Variants in COG7 observed in about 807,000 individuals in gnomAD.
COG7 encodes the protein component of oligomeric golgi complex 7, also known as conserved oligomeric Golgi complex subunit 7.
A neutral mutation model predicts 91.5 loss-of-function variants in COG7; 49 were observed. The ratio of observed to expected loss-of-function variants is 0.54; its 90% CI spans 0.43 to 0.68. The LOEUF is 0.68. Ranked by LOEUF, COG7 falls within the 30% of genes least tolerant of loss-of-function variation. The pLI is 0.00. For synonymous variants in COG7, 365 were observed against 388.7 expected, an observed-to-expected ratio of 0.94 and a Z score of 0.72; for missense variants, 895 against 961.3, an observed-to-expected ratio of 0.93 and a Z score of 0.91.
At chr16:23,429,776 T>C (rs540328589) in intron 6 of COG7, among the ~76,000 whole-genome samples, 1 of 149,316 alleles carries the variant, frequency 6.7e-6, no homozygotes, top group East Asian at 2.0e-4. Context: ...AAAAAAAAAG[T>C]GTAAACAAAC....
intron 3 of COG7, among the ~76,000 whole-genome samples, chr16:23,443,527 C>A (rs1373166526): frequency 1.3e-5 from 2 of 151,758 alleles, no homozygotes; most frequent in East Asian, 3.9e-4. Context: ...ACCATCTCTA[C>A]TAAAAATACA....
At chr16:23,447,015 G>A (rs1964193423) in intron 1 of COG7, 1 of 152,132 alleles carries the variant, frequency 6.6e-6, no homozygotes, top group Non-Finnish European at 1.5e-5. Context: ...CTCCCAAAAT[G>A]CTGGGATTAC....
intron 1 of COG7, chr16:23,446,533 C>A (rs1033735735): frequency 1.3e-5 from 2 of 153,744 alleles, no homozygotes; most frequent in African/African-American, 4.9e-5. Flanking sequence ...CTCACTGCAA[C>A]CTCTGCCTCC....
chr16:23,433,972 C>A (rs1963974351), intron 5 of COG7, among the ~76,000 whole-genome samples: 1 of 152,162 alleles, frequency 6.6e-6, no homozygotes, highest in African/African-American at 2.4e-5. Flanking sequence ...GATGTTGGGG[C>A]AAGAGCGGGC....
intron 13 of COG7, among the ~76,000 whole-genome samples, chr16:23,401,441 G>A (rs913116694): frequency 1.3e-5 from 2 of 152,198 alleles, no homozygotes; most frequent in Non-Finnish European, 2.9e-5. Flanking sequence ...GAGGGAAAAG[G>A]ACGGGGGAAG....
chr16:23,441,483 G>A (rs1268699347), intron 4 of COG7, among the ~76,000 whole-genome samples: 2 of 152,162 alleles, frequency 1.3e-5, no homozygotes, highest in Non-Finnish European at 2.9e-5. Flanking sequence ...ACTGAGACAG[G>A]AGAATCGCTT....
chr16:23,423,559 C>T (rs1963795195), intron 7 of COG7, among the ~76,000 whole-genome samples: 1 of 152,208 alleles, frequency 6.6e-6, no homozygotes, highest in South Asian at 2.1e-4. Flanking sequence ...TTGGAAGCTT[C>T]CCCATCCACT....
intron 6 of COG7, among the ~76,000 whole-genome samples, chr16:23,428,918 C>T (rs1242263004): frequency 2.0e-5 from 3 of 152,052 alleles, no homozygotes; most frequent in Non-Finnish European, 4.4e-5. Context: ...CTCTCGAACT[C>T]CTGACCTCAG....
rs1410910829 is a variant in COG7, at chr16:23,410,378, C to T, written c.1410-18G>A. On this transcript the variant is annotated intron_variant, in intron 10 of 16. Transcript: ENST00000307149. ...CTATTATCCTAAACAAAACAAAAAG[C>T]ACTTCAAGTTCAAGTATCTGGAATG... 3.1e-6 allele frequency: 5 copies of T among 1,610,088 alleles called. No individual in the cohort carries two copies. The highest frequency in any genetic ancestry group is 4.2e-6 in the Non-Finnish European group (5 of 1,176,740).
chr16:23,452,817 G>GCGGCT lies in COG7; in HGVS notation c.169+4_169+8dup, dbSNP rs1472474319. ...GAGGGTCCCGCGGCCAGGGCCCCGA[G>GCGGCT]CGGCTCACCCTCCACGGCGTGGTTC... On this transcript the variant is annotated intron_variant, in intron 1 of 16. Coordinates refer to ENST00000307149, the MANE Select transcript of COG7 (RefSeq NM_153603.4). 7 of 1,609,438 alleles carry GCGGCT rather than the reference G, an allele frequency of 4.3e-6. No individual in the cohort carries two copies. The African/African-American group carries it at 9.4e-5, about 22-fold the overall frequency.
In COG7 at chr16:23,449,509, C is replaced by T. The variant is rs182727259; in HGVS notation, c.169+3317G>A. Among the ~76,000 whole-genome samples, 60 of 151,384 alleles carry T rather than the reference C, an allele frequency of 4.0e-4. No homozygotes were observed. In the South Asian group the frequency reaches 5.0e-3, roughly 13 times the overall value. On this transcript the variant is annotated intron_variant, in intron 1 of 16. Coordinates refer to ENST00000307149, the MANE Select transcript of COG7 (RefSeq NM_153603.4). Reference sequence around the variant, plus strand: ...CTGTAATCCCAGCACTTTGGGAGGCCGAGGCAGGCAGATCACCTGAGGTTG... The same window carrying T: ...CTGTAATCCCAGCACTTTGGGAGGCTGAGGCAGGCAGATCACCTGAGGTTG...
In COG7 at chr16:23,453,174, G is replaced by C; in HGVS notation, c.-180C>G. On this transcript the variant is annotated 5_prime_UTR_variant, in exon 1 of 17. Coordinates refer to ENST00000307149, the MANE Select transcript of COG7 (RefSeq NM_153603.4). Reference sequence around the variant, plus strand: ...CCCCGCTCAGCGCACTCAGTTTGCGGCTGGGAATGACCCTCGCCGCCCGCC... The same window carrying C: ...CCCCGCTCAGCGCACTCAGTTTGCGCCTGGGAATGACCCTCGCCGCCCGCC... 1 of 1,381,400 alleles carries C rather than the reference G, an allele frequency of 7.2e-7. No homozygotes were observed. Among genetic ancestry groups the C allele is most frequent in the East Asian group, 2.6e-5 (1 of 39,132 alleles). 85.6% of individuals were successfully genotyped at this position (1,381,400 alleles called of 1,614,324 possible).
intron 1 of COG7, 27 bp downstream of exon 1, chr16:23,452,799 C>T (rs371898451): frequency 3.0e-5 from 48 of 1,598,844 alleles, no homozygotes; most frequent in Admixed American, 1.0e-4. Context: ...GGGGAGGGTC[C>T]CGCGGCCAGG....
chr16:23,410,355 A>G lies in COG7; in HGVS notation c.1415T>C (p.Ile472Thr). 1.2e-6 allele frequency: 2 copies of G among 1,613,920 alleles called. No homozygotes were observed. Among genetic ancestry groups the G allele is most frequent in the Non-Finnish European group, 1.7e-6 (2 of 1,179,902 alleles). ...WTAFQNSIRI[I>T]ATCGELLRHC... ...CCGCAAAAGCTCTCCACAGGTGGCT[A>G]TTATCCTAAACAAAACAAAAAGCAC... is the stretch of plus-strand genomic sequence containing the variant. Residue 472 changes from isoleucine to threonine, a missense_variant, in exon 11 of 17, where the codon ATA (isoleucine) becomes ACA (threonine). Physicochemically the swap from Ile to Thr is moderately conservative, Grantham distance 89. Transcript: ENST00000307149.
At chr16:23,405,599 C>T (rs373676694) in intron 12 of COG7, among the ~76,000 whole-genome samples, 158 of 151,758 alleles carry the variant, frequency 1.0e-3, no homozygotes, top group African/African-American at 3.7e-3. Flanking sequence ...TCACTGTAAC[C>T]GGTGCCTCCC....
At chr16:23,441,099 A>G (rs1964093800) in intron 4 of COG7, among the ~76,000 whole-genome samples, 1 of 152,208 alleles carries the variant, frequency 6.6e-6, no homozygotes, top group Non-Finnish European at 1.5e-5. Flanking sequence ...GTGATTTTCT[A>G]TAAATGAAGA....
intron 8 of COG7, among the ~76,000 whole-genome samples, chr16:23,417,502 C>T (rs533227578): frequency 1.3e-5 from 2 of 152,324 alleles, no homozygotes; most frequent in African/African-American, 2.4e-5. Flanking sequence ...TGCAGTGGCT[C>T]AAGCCTGTAA....
intron 13 of COG7, among the ~76,000 whole-genome samples, chr16:23,402,932 T>C (rs909036660): frequency 4.6e-5 from 7 of 152,174 alleles, no homozygotes; most frequent in African/African-American, 1.4e-4. Flanking sequence ...GAGAGCACGT[T>C]TGATTTTGCC....
chr16:23,419,266 C>G (rs956591919), intron 7 of COG7, among the ~76,000 whole-genome samples: 1 of 152,108 alleles, frequency 6.6e-6, no homozygotes, highest in African/African-American at 2.4e-5. Context: ...ACAAAATTAG[C>G]TGGGCATGGT....
Sources: allele counts gnomAD v4.1 joint callset (sites outside exome capture counted in the v4.1 genomes callset), GRCh38; gene constraint gnomAD v4.1.1; transcripts MANE v1.5; gene names NCBI Gene and HGNC (gene_info 2026-07-23, HGNC 2026-07-21).